The following SH3RF3 variants were observed in gnomAD, a reference collection of about 807,000 sequenced individuals.
The protein encoded by SH3RF3 is E3 ubiquitin-protein ligase SH3RF3.
In SH3RF3, 29 loss-of-function variants were observed where a neutral mutation model predicts 66.3. The ratio of observed to expected loss-of-function variants is 0.44; its 90% CI spans 0.33 to 0.60. SH3RF3 has a LOEUF of 0.60. Ranked by LOEUF, SH3RF3 falls within the 20% of genes least tolerant of loss-of-function variation. The probability of loss-of-function intolerance (pLI) is 0.04; values close to 1 mark genes in which losing one functional copy is unlikely to be tolerated. For synonymous variants in SH3RF3, 583 were observed against 532.0 expected (o/e 1.10, Z -1.32); for missense variants, 1,194 against 1,190.9 (o/e 1.00, Z -0.04).
intron 1 of SH3RF3, among the ~76,000 whole-genome samples, chr2:109,275,578 A>G (rs996663207): frequency 6.6e-6 from 1 of 152,170 alleles, no homozygotes; most frequent in Non-Finnish European, 1.5e-5. Context: ...CACTCAAAAG[A>G]GTGCCCCGCA....
intron 8 of SH3RF3, among the ~76,000 whole-genome samples, chr2:109,466,981 A>C (rs1468864757): frequency 2.0e-5 from 3 of 152,068 alleles, no homozygotes; most frequent in Non-Finnish European, 4.4e-5. Context: ...ATGTCTTCAT[A>C]CTCTGTGAAA....
At chr2:109,458,917 G>A (rs908132850) in intron 8 of SH3RF3, among the ~76,000 whole-genome samples, 7 of 152,180 alleles carry the variant, frequency 4.6e-5, no homozygotes, top group African/African-American at 1.7e-4. Context: ...TACCTGCCTA[G>A]CCACACTGAC....
chr2:109,335,587 C>T (rs975462818), intron 1 of SH3RF3, among the ~76,000 whole-genome samples: 1 of 152,016 alleles, frequency 6.6e-6, no homozygotes, highest in Non-Finnish European at 1.5e-5. Context: ...GTTTATGTGT[C>T]CCCTTAGCAC....
chr2:109,421,904 T>TA (rs910305179), intron 5 of SH3RF3, among the ~76,000 whole-genome samples: 11 of 152,316 alleles, frequency 7.2e-5, no homozygotes, highest in African/African-American at 2.6e-4. Context: ...CAACATTACA[T>TA]ACGTTACAGC....
intron 8 of SH3RF3, among the ~76,000 whole-genome samples, chr2:109,460,757 A>G (rs2104683200): frequency 6.6e-6 from 1 of 152,360 alleles, no homozygotes; most frequent in Non-Finnish European, 1.5e-5. Flanking sequence ...TCCCTGACCA[A>G]CCAGCCAAAT....
At chr2:109,242,952 C>T (rs1679821458) in intron 1 of SH3RF3, among the ~76,000 whole-genome samples, 1 of 152,232 alleles carries the variant, frequency 6.6e-6, no homozygotes, top group Non-Finnish European at 1.5e-5. Context: ...CTCTTGTCCT[C>T]TGTGTGAGGC....
At chr2:109,339,322 G>T (rs577952735) in intron 1 of SH3RF3, among the ~76,000 whole-genome samples, 12 of 152,176 alleles carry the variant, frequency 7.9e-5, no homozygotes, top group Non-Finnish European at 1.6e-4. Context: ...CATGAAAAAT[G>T]TATATATAGT....
intron 2 of SH3RF3, among the ~76,000 whole-genome samples, chr2:109,363,361 T>C (rs1157675338): frequency 6.6e-6 from 1 of 152,198 alleles, no homozygotes; most frequent in Non-Finnish European, 1.5e-5. Flanking sequence ...ATAATACTTA[T>C]TTCTCCCTCC....
intron 1 of SH3RF3, among the ~76,000 whole-genome samples, chr2:109,210,225 TTC>T (rs1269749769): frequency 6.6e-6 from 1 of 152,256 alleles, no homozygotes; most frequent in Admixed American, 6.5e-5. Context: ...ATTTGGGTGT[TTC>T]TGCCTTTTGG....
At chr2:109,431,652 G>T (rs967888402) in intron 5 of SH3RF3, among the ~76,000 whole-genome samples, 3 of 152,162 alleles carry the variant, frequency 2.0e-5, no homozygotes, top group Admixed American at 6.5e-5. Flanking sequence ...TGGGAGGATT[G>T]CTTGAGACTA....
intron 1 of SH3RF3, among the ~76,000 whole-genome samples, chr2:109,175,249 T>C (rs896929070): frequency 6.6e-6 from 1 of 152,212 alleles, no homozygotes; most frequent in African/African-American, 2.4e-5. Context: ...TTTCCTTGCC[T>C]GGCACTTGTA....
At chr2:109,371,739 C>T in intron 3 of SH3RF3, 58 bp downstream of exon 3, 9 of 1,461,710 alleles carry the variant, frequency 6.2e-6, no homozygotes, top group Non-Finnish European at 8.5e-6. Flanking sequence ...TGTTTCACTA[C>T]AGTGGGGTCA....
intron 1 of SH3RF3, among the ~76,000 whole-genome samples, chr2:109,232,089 A>G (rs1261163205): frequency 1.3e-5 from 2 of 152,350 alleles, no homozygotes; most frequent in East Asian, 1.9e-4. Flanking sequence ...CAATGCCGCT[A>G]CAAGTATTTA....
chr2:109,437,039 C>T lies in SH3RF3; in HGVS notation c.1721C>T (p.Thr574Ile), dbSNP rs1217862958. 3 of 1,613,854 alleles carry T rather than the reference C, an allele frequency of 1.9e-6. No individual in the cohort carries two copies. Among genetic ancestry groups the T allele is most frequent in the Admixed American group, 3.3e-5 (2 of 60,026 alleles). Residue 574 changes from threonine to isoleucine, a missense_variant, in exon 7 of 10, where the codon ACT becomes ATT. Transcript: ENST00000309415. ...TATRPALPITTPQAHAQHPTA... is the reference protein window; with the variant it reads ...TATRPALPITIPQAHAQHPTA... ...ACCAGGCCCGCCCTGCCCATCACCA[C>T]TCCCCAGGCCCACGCCCAGCACCCC...
chr2:109,391,500 C>T (rs1239346736), intron 3 of SH3RF3, among the ~76,000 whole-genome samples: 1 of 152,234 alleles, frequency 6.6e-6, no homozygotes, highest in African/African-American at 2.4e-5. Context: ...TCCTGCAGTG[C>T]TCTAGTGTTG....
At chr2:109,169,159 C>T (rs1244153420) in intron 1 of SH3RF3, among the ~76,000 whole-genome samples, 1 of 152,206 alleles carries the variant, frequency 6.6e-6, no homozygotes, top group African/African-American at 2.4e-5. Flanking sequence ...GTCATATGTA[C>T]TATTTAATAA....
chr2:109,387,180 A>G (rs895460976), intron 3 of SH3RF3, among the ~76,000 whole-genome samples: 2 of 152,154 alleles, frequency 1.3e-5, no homozygotes, highest in African/African-American at 4.8e-5. Flanking sequence ...CAAATTTGAG[A>G]TTGCGCTGTA....
chr2:109,361,823 G>T (rs1262333006), intron 2 of SH3RF3, among the ~76,000 whole-genome samples: 3 of 152,116 alleles, frequency 2.0e-5, no homozygotes, highest in African/African-American at 7.2e-5. Context: ...GTCTTTTAAG[G>T]AATTGTTCCA....
At chr2:109,424,704 C>T (rs543844666) in intron 5 of SH3RF3, among the ~76,000 whole-genome samples, 3 of 152,138 alleles carry the variant, frequency 2.0e-5, no homozygotes, top group Non-Finnish European at 2.9e-5. Context: ...CATAAGACAG[C>T]GAACTTACTC....
Sources: gnomAD v4.1 joint callset for allele counts (sites outside exome capture counted in the v4.1 genomes callset) on GRCh38, gnomAD v4.1.1 for gene constraint, MANE v1.5 for transcripts, NCBI Gene and HGNC (gene_info 2026-07-23, HGNC 2026-07-21) for gene names.